The following ADGRG2 variants were observed in gnomAD, a reference collection of about 807,000 sequenced individuals.
ADGRG2 encodes the protein adhesion G protein-coupled receptor G2.
Under a neutral mutation model 74.1 loss-of-function variants are expected in ADGRG2, and 26 were observed. The observed-to-expected ratio is 0.35, with a 90% confidence interval of 0.26 to 0.49. ADGRG2 has a LOEUF of 0.49. Among genes scored for constraint, ADGRG2 ranks in the 20% least tolerant of loss-of-function variants. The pLI, the probability that ADGRG2 is intolerant of heterozygous loss-of-function variation, is 0.99. For missense variants in ADGRG2, 619 were observed against 763.1 expected (o/e 0.81, Z 2.22); for synonymous variants, 296 against 295.2 (o/e 1.00, Z -0.03).
chrX:19,016,196 G>A (rs1485953144), intron 15 of ADGRG2, among the ~76,000 whole-genome samples: 11 of 112,511 alleles, frequency 9.8e-5, no homozygotes, highest in Non-Finnish European at 1.9e-5. Flanking sequence ...TGCATAAAGT[G>A]TACTAATCTT....
At chrX:19,071,665 T>C (rs943675692) in intron 2 of ADGRG2, among the ~76,000 whole-genome samples, 4 of 111,780 alleles carry the variant, frequency 3.6e-5, no homozygotes, top group South Asian at 3.9e-4. Context: ...GGGAGGCTTC[T>C]GAGGTACCGA....
At chrX:19,019,096 T>C (rs774686864) in intron 15 of ADGRG2, among the ~76,000 whole-genome samples, 40 of 111,877 alleles carry the variant, frequency 3.6e-4, no homozygotes, top group Non-Finnish European at 6.6e-4. Context: ...CCGCCCACCT[T>C]GGCCTCCCAA....
Position 19,004,899 on chromosome X carries a change from T to C in ADGRG2, c.1840-20A>G. On this transcript the variant is annotated intron_variant, in intron 22 of 28. Coordinates refer to ENST00000379869, the MANE Select transcript of ADGRG2 (RefSeq NM_001079858.3). ...TAGGTCCTGGAAAATGAAATATTGC[T>C]TTTAATAATCAAATATTTTTAAATA... The C allele has an allele frequency of 8.9e-7, 1 of 1,124,605 alleles. No homozygotes were observed. The highest frequency in any genetic ancestry group is 2.0e-5 in the South Asian group (1 of 50,597). 92.7% of individuals were successfully genotyped at this position (1,124,605 alleles called of 1,213,427 possible). A position where few individuals can be genotyped will look rare whatever the true frequency, so the allele number is the denominator to read the frequency against.
Position 19,023,460 on chromosome X carries a change from C to CA in ADGRG2, c.511-8dup. ...CACACATTATAAAGTAAGTCTGAAA[C>CA]AAAACAAAAAACACGTATACACATA... On this transcript the variant is annotated splice_polypyrimidine_tract_variant and splice_region_variant and intron_variant, in intron 12 of 28. Coordinates refer to ENST00000379869, the MANE Select transcript of ADGRG2 (RefSeq NM_001079858.3). 9.3e-7 allele frequency: 1 copy of CA among 1,075,213 alleles called. No homozygotes were observed. Among genetic ancestry groups the CA allele is most frequent in the Non-Finnish European group, 1.3e-6 (1 of 784,990 alleles). 88.6% of individuals were successfully genotyped at this position (1,075,213 alleles called of 1,213,427 possible).
At chrX:19,049,096 C>T (rs2061255630) in intron 3 of ADGRG2, among the ~76,000 whole-genome samples, 1 of 112,337 alleles carries the variant, frequency 8.9e-6, no homozygotes, top group Non-Finnish European at 1.9e-5. Flanking sequence ...CATATTCCCA[C>T]CTCAGGGCCT....
intron 1 of ADGRG2, among the ~76,000 whole-genome samples, chrX:19,106,961 T>C (rs1226498201): frequency 9.0e-6 from 1 of 110,672 alleles, no homozygotes; most frequent in African/African-American, 3.3e-5. Context: ...GCTGCTTTAA[T>C]GCAGGCTACA....
chrX:19,071,437 G>A (rs2061651814), intron 2 of ADGRG2, among the ~76,000 whole-genome samples: 1 of 111,972 alleles, frequency 8.9e-6, no homozygotes, highest in Non-Finnish European at 1.9e-5. Flanking sequence ...CTCTCTGGAG[G>A]AAAGATCTAA....
At chrX:18,995,900 C>T (rs1309607427) in intron 27 of ADGRG2, 151 bp downstream of exon 27, 3 of 373,549 alleles carry the variant, frequency 8.0e-6, no homozygotes, top group Non-Finnish European at 1.4e-5. Context: ...TTTTTTTTCT[C>T]CCTAATGTTC....
chrX:19,034,558 A>G (rs1482680497), intron 7 of ADGRG2: 2 of 112,122 alleles, frequency 1.8e-5, no homozygotes, highest in African/African-American at 3.2e-5. Flanking sequence ...GAGGTTTCTG[A>G]AACTGTCAGG....
rs987377991 is a variant in ADGRG2 at position 19,117,643 on chromosome X, C to T, written c.-47+4799G>A. Among the ~76,000 whole-genome samples, 5 of 110,213 alleles carry T rather than the reference C, an allele frequency of 4.5e-5. No homozygotes were observed. The Admixed American group carries it at 4.9e-4, about 11-fold the overall frequency. ...ACCAGCCTGGCCAATATGGCAAAAC[C>T]CCGTCTCTACTAAAAATACAAAAAT... On this transcript the variant is annotated intron_variant, in intron 1 of 28. Transcript: ENST00000379869.
At chrX:19,074,760 G>A (rs111362556) in intron 2 of ADGRG2, among the ~76,000 whole-genome samples, 174 of 106,814 alleles carry the variant, frequency 1.6e-3, no homozygotes, top group African/African-American at 5.6e-3. Flanking sequence ...TAGTAGAGAT[G>A]GGGTTTCACC....
intron 3 of ADGRG2, among the ~76,000 whole-genome samples, chrX:19,060,235 G>A (rs980380692): frequency 8.9e-6 from 1 of 112,980 alleles, no homozygotes; most frequent in African/African-American, 3.2e-5. Flanking sequence ...GGATTTGCCA[G>A]TCGGCAAGAG....
At chrX:19,019,505 T>G (rs1295662924) in intron 15 of ADGRG2, 94 bp downstream of exon 15, 1 of 524,549 alleles carries the variant, frequency 1.9e-6, no homozygotes, top group Non-Finnish European at 3.3e-6. Context: ...ATTGAAAGCC[T>G]TCTTTACTCC....
At chrX:19,031,067 A>G in intron 8 of ADGRG2, 30 bp from the exon 9 acceptor site, 3 of 1,081,417 alleles carry the variant, frequency 2.8e-6, no homozygotes, top group Non-Finnish European at 3.9e-6. Context: ...CAGCTGGTTA[A>G]GCATGTCAAT....
At chrX:19,103,922 G>C (rs769504730) in intron 1 of ADGRG2, among the ~76,000 whole-genome samples, 7 of 111,412 alleles carry the variant, frequency 6.3e-5, no homozygotes, top group Non-Finnish European at 9.4e-5. Flanking sequence ...AGGGGAAAAG[G>C]CTGGGTCCTA....
intron 3 of ADGRG2, among the ~76,000 whole-genome samples, chrX:19,060,439 C>T (rs944726691): frequency 5.4e-5 from 6 of 111,045 alleles, no homozygotes; most frequent in Admixed American, 3.8e-4. Context: ...GAGTGGTTCT[C>T]GGTTCTGCTA....
At chrX:19,036,041 T>C in intron 6 of ADGRG2, 64 bp from the exon 7 acceptor site, 1 of 540,643 alleles carries the variant, frequency 1.8e-6, no homozygotes, top group Non-Finnish European at 3.0e-6. Context: ...TGTGTCTTCC[T>C]AGGTTCCTTA....
intron 3 of ADGRG2, among the ~76,000 whole-genome samples, chrX:19,055,048 C>T (rs2061386317): frequency 8.9e-6 from 1 of 112,134 alleles, no homozygotes; most frequent in Non-Finnish European, 1.9e-5. Flanking sequence ...AGTCTGTTCT[C>T]GTGGGCTACA....
intron 3 of ADGRG2, among the ~76,000 whole-genome samples, chrX:19,056,230 G>A (rs185183078): frequency 2.7e-5 from 3 of 111,746 alleles, no homozygotes; most frequent in East Asian, 5.6e-4. Context: ...TAATTTGAGC[G>A]CTGTGAAGTA....
Sources: gnomAD v4.1 joint callset for allele counts (sites outside exome capture counted in the v4.1 genomes callset) on GRCh38, gnomAD v4.1.1 for gene constraint, MANE v1.5 for transcripts, NCBI Gene and HGNC (gene_info 2026-07-23, HGNC 2026-07-21) for gene names.